CYRIA: variants seen among roughly 807,000 people sequenced by gnomAD.
CYRIA encodes CYFIP-related Rac1 interactor A.
In CYRIA, 15 loss-of-function variants were observed where a neutral mutation model predicts 43.9. The ratio of observed to expected loss-of-function variants is 0.34; its 90% CI spans 0.23 to 0.53. The LOEUF (loss-of-function observed/expected upper bound fraction) is 0.53. Ranked by LOEUF, CYRIA falls within the 20% of genes least tolerant of loss-of-function variation. The probability of loss-of-function intolerance (pLI) is 0.94; values close to 1 mark genes in which losing one functional copy is unlikely to be tolerated. For missense variants in CYRIA, 236 were observed against 394.2 expected, an observed-to-expected ratio of 0.60 and a Z score of 3.40; for synonymous variants, 117 against 136.0, an observed-to-expected ratio of 0.86 and a Z score of 0.97.
chr2:16,591,002 A>G (rs961373016), intron 2 of CYRIA, among the ~76,000 whole-genome samples: 2 of 152,104 alleles, frequency 1.3e-5, no homozygotes, highest in Non-Finnish European at 2.9e-5. Context: ...TTGGACCCAG[A>G]GTTTCACTTG....
At chr2:16,655,573 A>G (rs1670089096) in intron 1 of CYRIA, among the ~76,000 whole-genome samples, 1 of 152,134 alleles carries the variant, frequency 6.6e-6, no homozygotes, top group Non-Finnish European at 1.5e-5. Flanking sequence ...CAACTCTGCT[A>G]AGCCCTGCTT....
At chr2:16,625,957 T>A (rs902460492) in intron 1 of CYRIA, among the ~76,000 whole-genome samples, 1 of 151,746 alleles carries the variant, frequency 6.6e-6, no homozygotes, top group Non-Finnish European at 1.5e-5. Context: ...ACCAAGAGGG[T>A]CAGTCAGGCG....
chr2:16,560,872 A>G (rs1159088567), intron 9 of CYRIA, 118 bp downstream of exon 9: 2 of 852,720 alleles, frequency 2.3e-6, no homozygotes, highest in African/African-American at 3.3e-5. Context: ...TAAAGCAGAT[A>G]ATATACATGA....
Position 16,576,040 on chromosome 2 carries a change from AC to A in CYRIA, c.71-10274del, listed in dbSNP as rs1667334629. Among the ~76,000 whole-genome samples the A allele has an allele frequency of 3.3e-5, 5 of 152,258 alleles. No individual in the cohort carries two copies. The South Asian group carries it at 1.0e-3, about 32-fold the overall frequency. On this transcript the variant is annotated intron_variant, in intron 3 of 11. Coordinates refer to ENST00000381323, the MANE Select transcript of CYRIA (RefSeq NM_030797.4). Reference sequence around the variant, plus strand: ...CCAAATGGAACTGTAAGTCCATTAAACTTTTTTCTTTTGTAAATTGCCCAAT... The same window carrying A: ...CCAAATGGAACTGTAAGTCCATTAAATTTTTTCTTTTGTAAATTGCCCAAT...
intron 3 of CYRIA, among the ~76,000 whole-genome samples, chr2:16,577,046 T>C (rs1199898290): frequency 1.3e-5 from 2 of 152,146 alleles, no homozygotes; most frequent in East Asian, 3.8e-4. Flanking sequence ...TCAATGGGTA[T>C]AAAGTTTCCA....
At chr2:16,555,798 C>T (rs147491366) in intron 10 of CYRIA, among the ~76,000 whole-genome samples, 2 of 152,250 alleles carry the variant, frequency 1.3e-5, no homozygotes, top group African/African-American at 4.8e-5. Context: ...AGACCAGGAG[C>T]TCCTGGAGGT....
intron 1 of CYRIA, among the ~76,000 whole-genome samples, chr2:16,630,822 C>G (rs1247983617): frequency 6.6e-6 from 1 of 152,220 alleles, no homozygotes; most frequent in Non-Finnish European, 1.5e-5. Flanking sequence ...TTCCCATCCA[C>G]GGCTCCAACT....
chr2:16,580,682 G>A (rs1667521801), intron 3 of CYRIA, among the ~76,000 whole-genome samples: 1 of 152,118 alleles, frequency 6.6e-6, no homozygotes, highest in African/African-American at 2.4e-5. Context: ...AGTTAGAATA[G>A]CCAAAACAGT....
chr2:16,583,519 TC>T (rs1358053515), intron 3 of CYRIA, among the ~76,000 whole-genome samples: 3 of 152,270 alleles, frequency 2.0e-5, no homozygotes, highest in Admixed American at 2.0e-4. Flanking sequence ...AAAAGAAGGT[TC>T]ACCAGATGTT....
At chr2:16,559,408 G>T (rs778367316) in intron 10 of CYRIA, 52 bp downstream of exon 10, 6 of 1,587,296 alleles carry the variant, frequency 3.8e-6, no homozygotes, top group Non-Finnish European at 1.7e-6. Flanking sequence ...AACAAGGTCT[G>T]GCAACATTCA....
chr2:16,561,586 T>C, intron 6 of CYRIA, 53 bp from the exon 7 acceptor site: 5 of 1,376,632 alleles, frequency 3.6e-6, no homozygotes, highest in Non-Finnish European at 5.2e-6. Flanking sequence ...AGATGGGGTA[T>C]ATGCATTAGG....
At position 16,641,183 on chromosome 2, in the gene CYRIA, C is replaced by T. The variant is rs111868893; in HGVS notation, c.-166-17164G>A. On this transcript the variant is annotated intron_variant, in intron 1 of 11. Coordinates refer to ENST00000381323, the MANE Select transcript of CYRIA (RefSeq NM_030797.4). ...CAAAGCAGCACGGCTATTATTGCAT[C>T]ACTCTATGGCTCAAAAACCTTTAAT... 3.9e-5 allele frequency among the ~76,000 whole-genome samples: 6 copies of T among 152,300 alleles called. 1 individual carries two copies. The highest frequency in any genetic ancestry group is 1.4e-4 in the African/African-American group (6 of 41,564).
intron 3 of CYRIA, among the ~76,000 whole-genome samples, chr2:16,584,615 A>T (rs1385610426): frequency 6.6e-6 from 1 of 152,190 alleles, no homozygotes; most frequent in Non-Finnish European, 1.5e-5. Flanking sequence ...CAGGCTTGGC[A>T]GCCTTACTTT....
At chr2:16,660,222 G>C (rs191024163) in intron 1 of CYRIA, among the ~76,000 whole-genome samples, 3 of 152,292 alleles carry the variant, frequency 2.0e-5, no homozygotes, top group Admixed American at 1.3e-4. Flanking sequence ...ATCAAATCCA[G>C]TCTTCCCATT....
At chr2:16,586,445 T>C (rs1181257860) in intron 3 of CYRIA, among the ~76,000 whole-genome samples, 2 of 152,122 alleles carry the variant, frequency 1.3e-5, no homozygotes, top group African/African-American at 4.8e-5. Context: ...GCCCATTTTA[T>C]ATATCAACTC....
chr2:16,559,376 C>T, intron 10 of CYRIA, 84 bp downstream of exon 10: 1 of 1,496,118 alleles, frequency 6.7e-7, no homozygotes, highest in Admixed American at 1.8e-5. Flanking sequence ...GTGGAGAGGT[C>T]CTGAGGTGCC....
chr2:16,644,608 A>G (rs1669767242), intron 1 of CYRIA, among the ~76,000 whole-genome samples: 2 of 152,202 alleles, frequency 1.3e-5, no homozygotes, highest in African/African-American at 4.8e-5. Flanking sequence ...TTGCAAAGAC[A>G]CTTGTCATTA....
rs550157821 is a variant in CYRIA, at chr2:16,613,455, A to G, written c.-11+10409T>C. On this transcript the variant is annotated intron_variant, in intron 2 of 11. Coordinates refer to ENST00000381323, the MANE Select transcript of CYRIA (RefSeq NM_030797.4). ...TCCGATAACTACACTAACAGCAGCC[A>G]TTCGCTGAGTGTCAGCCCTGCACTC... Among the ~76,000 whole-genome samples, 4 of 152,316 alleles carry G rather than the reference A, an allele frequency of 2.6e-5. No homozygotes were observed. The South Asian group carries it at 8.3e-4, about 32-fold the overall frequency.
intron 2 of CYRIA, among the ~76,000 whole-genome samples, chr2:16,601,711 C>CAA (rs57235858): frequency 0.017 from 2,103 of 123,644 alleles, 51 homozygotes; most frequent in African/African-American, 0.051. Context: ...TTTCCAGTTT[C>CAA]AAAAAAAAAA....
Sources: allele counts gnomAD v4.1 joint callset (sites outside exome capture counted in the v4.1 genomes callset), GRCh38; gene constraint gnomAD v4.1.1; transcripts MANE v1.5; gene names NCBI Gene and HGNC (gene_info 2026-07-23, HGNC 2026-07-21).